TWSG1: variants seen among roughly 807,000 people sequenced by gnomAD.
TWSG1 encodes twisted gastrulation BMP signaling modulator 1.
Under a neutral mutation model 23.0 loss-of-function variants are expected in TWSG1, and 15 were observed. The observed-to-expected ratio is 0.65, with a 90% CI of 0.44 to 1.00. TWSG1 has a LOEUF of 1.00. TWSG1 is among the 50% of genes least tolerant of loss of function. TWSG1 has a pLI of 0.00. For synonymous variants in TWSG1, 86 were observed against 92.8 expected (o/e 0.93, Z 0.42); for missense variants, 242 against 278.7 (o/e 0.87, Z 0.94).
At chr18:9,344,851 G>A (rs1315373142) in intron 2 of TWSG1, among the ~76,000 whole-genome samples, 3 of 152,116 alleles carry the variant, frequency 2.0e-5, no homozygotes, top group Admixed American at 2.0e-4. Flanking sequence ...GGGCCAACAC[G>A]ATCCTCCTGC....
chr18:9,344,908 C>A (rs1186224282), intron 2 of TWSG1, among the ~76,000 whole-genome samples: 1 of 152,088 alleles, frequency 6.6e-6, no homozygotes, highest in Non-Finnish European at 1.5e-5. Flanking sequence ...CCACCACACT[C>A]AGCTAATTTT....
At chr18:9,386,578 TAAAAAAA>T (rs537205151) in intron 3 of TWSG1, among the ~76,000 whole-genome samples, 1 of 133,228 alleles carries the variant, frequency 7.5e-6, no homozygotes, top group Non-Finnish European at 1.6e-5. Context: ...CCAGAAGAAT[TAAAAAAA>T]AAAGAAAAAA....
chr18:9,344,531 A>ATGTATTTTT (rs756535502), intron 2 of TWSG1, among the ~76,000 whole-genome samples: 5 of 102,094 alleles, frequency 4.9e-5, no homozygotes, highest in African/African-American at 1.8e-4. Flanking sequence ...GTATGTATGT[A>ATGTATTTTT]TTTTTTTTTT....
intron 3 of TWSG1, among the ~76,000 whole-genome samples, chr18:9,375,818 G>C (rs1366912044): frequency 6.6e-6 from 1 of 152,188 alleles, no homozygotes; most frequent in Non-Finnish European, 1.5e-5. Flanking sequence ...GTAATCTCAT[G>C]AATGAAATCA....
chr18:9,336,302 G>T (rs549919471), intron 1 of TWSG1, among the ~76,000 whole-genome samples: 1 of 152,000 alleles, frequency 6.6e-6, no homozygotes, highest in African/African-American at 2.4e-5. Flanking sequence ...TGAGACAGGA[G>T]AATCGCATGA....
intron 3 of TWSG1, among the ~76,000 whole-genome samples, chr18:9,380,381 C>T (rs2040650981): frequency 1.3e-5 from 2 of 152,148 alleles, no homozygotes; most frequent in South Asian, 4.1e-4. Flanking sequence ...TTCAAGGGTC[C>T]ATGCTCCGTG....
chr18:9,347,027 A>G (rs1234939116), intron 2 of TWSG1, among the ~76,000 whole-genome samples: 2 of 152,200 alleles, frequency 1.3e-5, no homozygotes, highest in Non-Finnish European at 2.9e-5. Flanking sequence ...CACCATCTAA[A>G]TAGGTATATA....
At chr18:9,393,876 A>G (rs2040722856) in intron 3 of TWSG1, among the ~76,000 whole-genome samples, 2 of 152,212 alleles carry the variant, frequency 1.3e-5, no homozygotes, top group South Asian at 4.1e-4. Context: ...TTATTTTTTA[A>G]TAATTCATTT....
intron 2 of TWSG1, among the ~76,000 whole-genome samples, chr18:9,356,971 T>TAAAAAAAAAA (rs34315660): frequency 8.2e-6 from 1 of 122,338 alleles, no homozygotes. Context: ...TTTATAAATC[T>TAAAAAAAAAA]AAAAAAAAAA....
chr18:9,366,181 T>A (rs989491464), intron 3 of TWSG1, among the ~76,000 whole-genome samples: 6 of 152,224 alleles, frequency 3.9e-5, no homozygotes, highest in Admixed American at 2.0e-4. Flanking sequence ...CAAGATCATT[T>A]GCTATACTTA....
intron 2 of TWSG1, among the ~76,000 whole-genome samples, chr18:9,355,729 C>G (rs1313744016): frequency 6.6e-6 from 1 of 152,144 alleles, no homozygotes; most frequent in East Asian, 1.9e-4. Context: ...TTATATTTCT[C>G]CTGAAAAGTA....
At chr18:9,374,441 A>AATT (rs1316150812) in intron 3 of TWSG1, among the ~76,000 whole-genome samples, 1 of 152,240 alleles carries the variant, frequency 6.6e-6, no homozygotes, top group Non-Finnish European at 1.5e-5. Context: ...GAAATGGACC[A>AATT]ATTCCTTGAA....
intron 3 of TWSG1, among the ~76,000 whole-genome samples, chr18:9,375,794 T>C (rs537984802): frequency 6.6e-6 from 1 of 152,316 alleles, no homozygotes; most frequent in South Asian, 2.1e-4. Flanking sequence ...AAGGTCTGTA[T>C]GAGGAAAACT....
chr18:9,392,944 C>T (rs527967628), intron 3 of TWSG1, among the ~76,000 whole-genome samples: 1 of 152,192 alleles, frequency 6.6e-6, no homozygotes, highest in Non-Finnish European at 1.5e-5. Context: ...ACAACCACAA[C>T]AGTTATCAGT....
chr18:9,366,767 T>C (rs2040580778), intron 3 of TWSG1, among the ~76,000 whole-genome samples: 1 of 152,150 alleles, frequency 6.6e-6, no homozygotes, highest in Non-Finnish European at 1.5e-5. Context: ...ATGCAAATTA[T>C]TTAGATACAT....
chr18:9,387,910 A>C (rs2040693387), intron 3 of TWSG1: 1 of 152,212 alleles, frequency 6.6e-6, no homozygotes, highest in Non-Finnish European at 1.5e-5. Flanking sequence ...ATTAACAATA[A>C]TTTCTTGGTG....
chr18:9,339,019 T>G (rs2040434256), intron 2 of TWSG1, among the ~76,000 whole-genome samples: 1 of 151,970 alleles, frequency 6.6e-6, no homozygotes, highest in Admixed American at 6.6e-5. Context: ...GGAATCACAG[T>G]GAGACCCTGT....
At chr18:9,350,820 G>A in intron 2 of TWSG1, among the ~76,000 whole-genome samples, 1 of 152,302 alleles carries the variant, frequency 6.6e-6, no homozygotes, top group East Asian at 1.9e-4. Context: ...TGGGTTTGAA[G>A]ATTCATGTGA....
At chr18:9,362,430 A>G (rs552839584) in intron 3 of TWSG1, among the ~76,000 whole-genome samples, 1 of 151,866 alleles carries the variant, frequency 6.6e-6, no homozygotes, top group Non-Finnish European at 1.5e-5. Context: ...CTGGTCTCGA[A>G]CTCCTGGGCT....
Sources: allele counts gnomAD v4.1 joint callset (sites outside exome capture counted in the v4.1 genomes callset), GRCh38; gene constraint gnomAD v4.1.1; transcripts MANE v1.5; gene names NCBI Gene and HGNC (gene_info 2026-07-23, HGNC 2026-07-21).